TEX22: variants seen among roughly 807,000 people sequenced by gnomAD.
TEX22 encodes testis-expressed protein 22.
In TEX22, 16 loss-of-function variants were observed where a neutral mutation model predicts 11.3. That is an observed-to-expected ratio of 1.42 (90% CI 0.96 to 2.15). TEX22 has a LOEUF of 2.15. Among genes scored for constraint, TEX22 ranks in the 30% most tolerant of loss-of-function variants. The pLI, the probability that TEX22 is intolerant of heterozygous loss-of-function variation, is 0.00. For synonymous variants in TEX22, 97 were observed against 92.3 expected (o/e 1.05, Z -0.29); for missense variants, 220 against 208.6 (o/e 1.05, Z -0.34).
At chr14:105,400,870 G>T (rs1191885892) in intron 2 of TEX22, among the ~76,000 whole-genome samples, 1 of 152,164 alleles carries the variant, frequency 6.6e-6, no homozygotes, top group African/African-American at 2.4e-5. Flanking sequence ...GACTTTATAG[G>T]TGGGCACTCC....
Position 105,411,452 on chromosome 14 carries a change from G to T in TEX22, c.235G>T (p.Gly79Cys). Residue 79 changes from glycine to cysteine, a missense_variant, in exon 3 of 4, where the codon GGC becomes TGC. Gly to Cys is a radical substitution (Grantham distance 159). Transcript: ENST00000451127. ...GCGCCGGCGGCTGGCCACGCTGGGC[G>T]GCCGGGAGAGGCCGGGCGCCGCCGG... ...DERRRLATLG[G>C]RERPGAAGTQ... 8.1e-7 allele frequency: 1 copy of T among 1,232,568 alleles called. No individual in the cohort carries two copies. Among genetic ancestry groups the T allele is most frequent in the Non-Finnish European group, 1.0e-6 (1 of 990,128 alleles). The allele number at this position is 1,232,568 out of a possible 1,614,324, so 76.4% of individuals were successfully genotyped here.
Position 105,406,099 on chromosome 14 carries a change from C to T in TEX22, c.151-5269C>T, listed in dbSNP as rs146555887. On this transcript the variant is annotated intron_variant, in intron 2 of 3. Transcript: ENST00000451127. ...TGTATAGTTAGAAGACGGTAGAGTG[C>T]GGGTCCGTCTCTCAAAAAAATGCAC... 4.5e-4 allele frequency among the ~76,000 whole-genome samples: 68 copies of T among 152,220 alleles called. No individual in the cohort carries two copies. In the East Asian group the frequency reaches 6.0e-3, roughly 13 times the overall value.
chr14:105,411,728 G>A lies in TEX22; in HGVS notation c.348G>A (p.Pro116=). The A allele has an allele frequency of 6.6e-7, 1 of 1,522,948 alleles. No individual in the cohort carries two copies. Among genetic ancestry groups the A allele is most frequent in the Non-Finnish European group, 8.8e-7 (1 of 1,140,050 alleles). 94.3% of individuals were successfully genotyped at this position (1,522,948 alleles called of 1,614,324 possible). ...ACAAGGACGTGCTCCTTCCCCACCC[G>A]CTGAGGTCCACCGAGTCCACCAACG... ...DVDKDVLLPH[P]LRSTESTNAF... The change falls in exon 4 of 4, where the codon CCG becomes CCA. Residue 116 remains proline, a synonymous_variant. Coordinates refer to ENST00000451127, the MANE Select transcript of TEX22 (RefSeq NM_001195082.2).
At chr14:105,409,324 A>T (rs1057388409) in intron 2 of TEX22, among the ~76,000 whole-genome samples, 1 of 151,894 alleles carries the variant, frequency 6.6e-6, no homozygotes, top group African/African-American at 2.4e-5. Flanking sequence ...AGTTTTTGAG[A>T]CTCTAAAGAT....
At position 105,411,368 on chromosome 14, in the gene TEX22, G is replaced by A; in HGVS notation, c.151G>A (p.Val51Met). Residue 51 changes from valine (V) to methionine (M), a missense_variant and splice_region_variant, in exon 3 of 4, where the codon GTG becomes ATG. Coordinates refer to ENST00000451127, the MANE Select transcript of TEX22 (RefSeq NM_001195082.2). ...VQQGLQTQDW[V>M]CEPPERRRPG... is the part of the protein sequence containing the mutation. ...GCCGACCCGCTGCCCTGTCCCCCAG[G>A]TGTGCGAGCCGCCGGAACGCAGGCG... 1.5e-6 allele frequency: 2 copies of A among 1,330,634 alleles called. No homozygotes were observed. Among genetic ancestry groups the A allele is most frequent in the Non-Finnish European group, 9.6e-7 (1 of 1,039,870 alleles). The allele number at this position is 1,330,634 out of a possible 1,614,324, so 82.4% of individuals were successfully genotyped here.
In TEX22 at chr14:105,398,882, C is replaced by T. The variant is rs587653042; in HGVS notation, c.-40+247C>T. On this transcript the variant is annotated intron_variant, in intron 1 of 3. Transcript: ENST00000451127. The stretch of plus-strand genomic sequence containing the variant: ...CCTGGGCCGCGTGGAGGGGAGGTCT[C>T]AGGGTCGGAAGCGGGGCTGTGGCAA... Among the ~76,000 whole-genome samples, 10 of 152,368 alleles carry T rather than the reference C, an allele frequency of 6.6e-5. No individual in the cohort carries two copies. In the South Asian group the frequency reaches 1.0e-3, roughly 16 times the overall value.
intron 2 of TEX22, among the ~76,000 whole-genome samples, chr14:105,402,550 C>A (rs587639497): frequency 1.1e-4 from 17 of 151,654 alleles, no homozygotes; most frequent in Non-Finnish European, 1.9e-4. Context: ...GTCTGGAGAT[C>A]AAGACCATCC....
At chr14:105,402,512 T>C (rs1228060143) in intron 2 of TEX22, among the ~76,000 whole-genome samples, 4 of 151,900 alleles carry the variant, frequency 2.6e-5, no homozygotes, top group Admixed American at 2.0e-4. Flanking sequence ...CCCAGCACTT[T>C]GGGAGGCTGG....
In TEX22 at chr14:105,411,213, G is replaced by A. The variant is rs182152887; in HGVS notation, c.151-155G>A. On this transcript the variant is annotated intron_variant, in intron 2 of 3. Transcript: ENST00000451127. ...AGAGGGCCACACTGCCTGAGGCCCC[G>A]CGCCGGGAGCTGGCGCTGGAGCAGC... Among the ~76,000 whole-genome samples the A allele has an allele frequency of 3.0e-3, 462 of 152,348 alleles. 3 individuals carry two copies. Among genetic ancestry groups the A allele is most frequent in the African/African-American group, 0.01 (420 of 41,582 alleles).
chr14:105,399,951 A>T (rs909917429), intron 2 of TEX22, among the ~76,000 whole-genome samples: 6 of 152,224 alleles, frequency 3.9e-5, no homozygotes, highest in African/African-American at 1.4e-4. Flanking sequence ...TGATTCCCCA[A>T]ACTGGAAGCA....
At chr14:105,400,307 CAT>C (rs782238466) in intron 2 of TEX22, among the ~76,000 whole-genome samples, 4 of 152,216 alleles carry the variant, frequency 2.6e-5, no homozygotes, top group Non-Finnish European at 2.9e-5. Context: ...CCCTCTCAGT[CAT>C]GTCCTTCAGG....
At chr14:105,405,598 T>G (rs2081654801) in intron 2 of TEX22, among the ~76,000 whole-genome samples, 1 of 152,226 alleles carries the variant, frequency 6.6e-6, no homozygotes, top group Non-Finnish European at 1.5e-5. Context: ...TGCATTTTTC[T>G]GTCAAACAGC....
intron 2 of TEX22, among the ~76,000 whole-genome samples, chr14:105,409,471 T>C (rs1555419123): frequency 6.6e-6 from 1 of 151,742 alleles, no homozygotes; most frequent in Admixed American, 6.6e-5. Flanking sequence ...TGTGTGGTGG[T>C]GCCCTAGACT....
In TEX22 at chr14:105,411,493, CAG is replaced by C. The variant is rs1166655815; in HGVS notation, c.277_278del (p.Arg93GlyfsTer46). ...GCGCCGCCGGGACCCAGCTGCACTGCAGGGTGCGCGGGGGGCGGGTCCTCCCC... is the reference window on the plus strand; with the variant it reads ...GCGCCGCCGGGACCCAGCTGCACTGCGGTGCGCGGGGGGCGGGTCCTCCCC... ...PGAAGTQLHC[R>X]DVVQMVAQLV... is the part of the protein sequence containing the mutation. On this transcript the variant is annotated frameshift_variant and splice_region_variant, in exon 3 of 4. Coordinates refer to ENST00000451127, the MANE Select transcript of TEX22 (RefSeq NM_001195082.2). LOFTEE classifies it low-confidence loss of function (END_TRUNC). 2.7e-5 allele frequency: 34 copies of C among 1,251,154 alleles called. No homozygotes were observed. The highest frequency in any genetic ancestry group is 2.9e-5 in the Non-Finnish European group (29 of 999,706). The allele number at this position is 1,251,154 out of a possible 1,614,324, so 77.5% of individuals were successfully genotyped here.
intron 2 of TEX22, among the ~76,000 whole-genome samples, chr14:105,407,432 G>A (rs1457678849): frequency 1.3e-5 from 2 of 152,058 alleles, no homozygotes; most frequent in Non-Finnish European, 2.9e-5. Context: ...GCAGCGTGTG[G>A]CACCATGACG....
rs911809338 is a variant in TEX22, at chr14:105,402,583, T to C, written c.150+3093T>C. On this transcript the variant is annotated intron_variant, in intron 2 of 3. Coordinates refer to ENST00000451127, the MANE Select transcript of TEX22 (RefSeq NM_001195082.2). ...TCCTGGCTAACACGGTGAAACCCCG[T>C]CTCTACTAAAAAATACAAAAAAATT... 5.3e-5 allele frequency among the ~76,000 whole-genome samples: 8 copies of C among 151,122 alleles called. No homozygotes were observed. In the South Asian group the frequency reaches 1.2e-3, roughly 24 times the overall value.
In TEX22 at chr14:105,399,402, A is replaced by C. The variant is rs1191228491; in HGVS notation, c.62A>C (p.His21Pro). The C allele has an allele frequency of 2.0e-6, 3 of 1,535,704 alleles. No homozygotes were observed. The East Asian group carries it at 7.3e-5, about 38-fold the overall frequency. ...KKLESHLSQE[H>P]RRPPLGLIAA... is the part of the protein sequence containing the mutation. The stretch of plus-strand genomic sequence containing the variant: ...CTGGAGTCGCACCTCTCCCAAGAGC[A>C]CAGGCGGCCCCCACTGGGCCTGATA... The change falls in exon 2 of 4, where the codon CAC becomes CCC. Residue 21 changes from histidine (H) to proline (P), a missense_variant. Coordinates refer to ENST00000451127, the MANE Select transcript of TEX22 (RefSeq NM_001195082.2).
At chr14:105,409,501 C>CTTTTTTTT (rs1232769820) in intron 2 of TEX22, among the ~76,000 whole-genome samples, 1 of 132,606 alleles carries the variant, frequency 7.5e-6, no homozygotes, top group Non-Finnish European at 1.6e-5. Flanking sequence ...TCTTCTTCTT[C>CTTTTTTTT]TTTTTTTTTT....
At chr14:105,408,279 A>G (rs1350667622) in intron 2 of TEX22, among the ~76,000 whole-genome samples, 2 of 144,248 alleles carry the variant, frequency 1.4e-5, no homozygotes, top group African/African-American at 5.2e-5. Flanking sequence ...GTCTCACTCT[A>G]TCACCAGGCT....
Sources: gnomAD v4.1 joint callset for allele counts (sites outside exome capture counted in the v4.1 genomes callset) on GRCh38, gnomAD v4.1.1 for gene constraint, MANE v1.5 for transcripts, NCBI Gene and HGNC (gene_info 2026-07-23, HGNC 2026-07-21) for gene names.